BCKDHB: variants seen among roughly 807,000 people sequenced by gnomAD.
BCKDHB encodes 2-oxoisovalerate dehydrogenase subunit beta, mitochondrial.
A neutral mutation model predicts 48.5 loss-of-function variants in BCKDHB; 41 were observed. The observed-to-expected ratio is 0.85, with a 90% CI of 0.66 to 1.10. The LOEUF (loss-of-function observed/expected upper bound fraction) is 1.10. Ranked by LOEUF, BCKDHB falls within the 50% of genes least tolerant of loss-of-function variation. The pLI, the probability that BCKDHB is intolerant of heterozygous loss-of-function variation, is 0.00. For synonymous variants in BCKDHB, 201 were observed against 174.8 expected (o/e 1.15, Z -1.18); for missense variants, 496 against 494.2 (o/e 1.00, Z -0.03).
chr6:80,459,765 T>G, the BCKDHB span, among the ~76,000 whole-genome samples: 1 of 152,190 alleles, frequency 6.6e-6, no homozygotes, highest in Non-Finnish European at 1.5e-5. Flanking sequence ...ATAGAATTGT[T>G]CCATCACTTT....
At chr6:80,184,382 G>A (rs1773546927) in intron 6 of BCKDHB, among the ~76,000 whole-genome samples, 1 of 152,070 alleles carries the variant, frequency 6.6e-6, no homozygotes, top group African/African-American at 2.4e-5. Context: ...TACTTGGTTG[G>A]TAGATTTTTA....
chr6:80,247,814 C>T (rs373091294), intron 8 of BCKDHB, among the ~76,000 whole-genome samples: 12 of 152,148 alleles, frequency 7.9e-5, no homozygotes, highest in Non-Finnish European at 1.5e-4. Context: ...CTAATGGCCA[C>T]GTTAGTGGAA....
At chr6:80,212,863 A>C (rs144995793) in intron 8 of BCKDHB, among the ~76,000 whole-genome samples, 10 of 152,320 alleles carry the variant, frequency 6.6e-5, no homozygotes, top group African/African-American at 2.4e-4. Context: ...AATCCTATCA[A>C]GACTTCCTTT....
intron 9 of BCKDHB, among the ~76,000 whole-genome samples, chr6:80,294,105 A>G (rs1767091838): frequency 6.6e-6 from 1 of 152,094 alleles, no homozygotes; most frequent in African/African-American, 2.4e-5. Flanking sequence ...TCAGTTCCAC[A>G]TTTTCACATA....
intron 8 of BCKDHB, among the ~76,000 whole-genome samples, chr6:80,240,565 G>A (rs930124637): frequency 2.0e-5 from 3 of 152,146 alleles, no homozygotes; most frequent in Non-Finnish European, 4.4e-5. Context: ...GAGATTTTGG[G>A]CTGAGACGAT....
chr6:80,200,393 A>C (rs988764893), intron 6 of BCKDHB, among the ~76,000 whole-genome samples: 5 of 152,096 alleles, frequency 3.3e-5, no homozygotes, highest in Non-Finnish European at 7.4e-5. Context: ...TCTACTTTAA[A>C]ATTTTTGGCC....
intron 1 of BCKDHB, among the ~76,000 whole-genome samples, chr6:80,111,817 T>C (rs908844923): frequency 6.6e-6 from 1 of 151,974 alleles, no homozygotes; most frequent in Non-Finnish European, 1.5e-5. Flanking sequence ...CAAAAACAAA[T>C]AGACAGGAAA....
At chr6:80,247,959 A>G (rs1258777335) in intron 8 of BCKDHB, among the ~76,000 whole-genome samples, 2 of 152,206 alleles carry the variant, frequency 1.3e-5, no homozygotes, top group Non-Finnish European at 1.5e-5. Context: ...GGGAATTCCA[A>G]TTATTATTGC....
At chr6:80,133,704 G>A (rs934121850) in intron 3 of BCKDHB, among the ~76,000 whole-genome samples, 6 of 151,696 alleles carry the variant, frequency 4.0e-5, no homozygotes, top group African/African-American at 1.5e-4. Context: ...GTGCAGTAAT[G>A]CGATCACGGC....
chr6:80,214,955 G>A (rs1775101506), intron 8 of BCKDHB, among the ~76,000 whole-genome samples: 1 of 152,088 alleles, frequency 6.6e-6, no homozygotes, highest in Non-Finnish European at 1.5e-5. Context: ...CTTGTTACAT[G>A]TTGTGTTTAA....
At chr6:80,273,289 A>T in intron 9 of BCKDHB, 68 bp downstream of exon 9, 1 of 1,295,744 alleles carries the variant, frequency 7.7e-7, no homozygotes, top group Non-Finnish European at 1.1e-6. Flanking sequence ...GAAGAAAATA[A>T]ATTACTTATC....
rs1466180966 is a variant in BCKDHB at position 80,261,416 on chromosome 6, C to G, written c.952-11719C>G. Reference sequence around the variant, plus strand: ...GCCAGGGGAGGAGGGGGAAAGAAAACTTGTTACTCAACTTGCCTTCCTGTC... The same window carrying G: ...GCCAGGGGAGGAGGGGGAAAGAAAAGTTGTTACTCAACTTGCCTTCCTGTC... On this transcript the variant is annotated intron_variant, in intron 8 of 9. Transcript: ENST00000320393. Among the ~76,000 whole-genome samples, 7 of 151,984 alleles carry G rather than the reference C, an allele frequency of 4.6e-5. No individual in the cohort carries two copies. In the South Asian group the frequency reaches 1.5e-3, roughly 32 times the overall value.
chr6:80,429,337 A>T, the BCKDHB span, among the ~76,000 whole-genome samples: 7 of 152,104 alleles, frequency 4.6e-5, no homozygotes, highest in Non-Finnish European at 8.8e-5. Context: ...TTTGCTTAAG[A>T]TTGTCTTGGC....
the BCKDHB span, among the ~76,000 whole-genome samples, chr6:80,446,670 T>C: frequency 6.7e-6 from 1 of 149,456 alleles, no homozygotes; most frequent in Admixed American, 6.7e-5. Context: ...GGTTCAACAG[T>C]CAAAGACAGG....
chr6:80,207,020 ATAGTT>A (rs996308513), intron 8 of BCKDHB, among the ~76,000 whole-genome samples: 97 of 152,154 alleles, frequency 6.4e-4, no homozygotes, highest in African/African-American at 2.3e-3. Flanking sequence ...TGAAATAAAA[ATAGTT>A]TAGGCAAACA....
the BCKDHB span, among the ~76,000 whole-genome samples, chr6:80,409,374 T>A: frequency 6.6e-6 from 1 of 151,182 alleles, no homozygotes. Flanking sequence ...GGATGGAGAG[T>A]TCTGTAGATG....
intron 9 of BCKDHB, among the ~76,000 whole-genome samples, chr6:80,287,689 T>G (rs1690493931): frequency 6.6e-6 from 1 of 152,124 alleles, no homozygotes; most frequent in Admixed American, 6.5e-5. Context: ...GGCTTTTATA[T>G]AAAAGCTTGA....
chr6:80,219,756 G>T (rs1336307255), intron 8 of BCKDHB, among the ~76,000 whole-genome samples: 1 of 152,134 alleles, frequency 6.6e-6, no homozygotes, highest in African/African-American at 2.4e-5. Context: ...TTTTTATTTG[G>T]ACTCAACATT....
At chr6:80,111,327 G>A (rs1204589838) in intron 1 of BCKDHB, among the ~76,000 whole-genome samples, 2 of 152,180 alleles carry the variant, frequency 1.3e-5, no homozygotes, top group South Asian at 4.1e-4. Context: ...GGAAGACCCT[G>A]GGTCGCTTCA....
Sources: gnomAD v4.1 joint callset for allele counts (sites outside exome capture counted in the v4.1 genomes callset) on GRCh38, gnomAD v4.1.1 for gene constraint, MANE v1.5 for transcripts, NCBI Gene and HGNC (gene_info 2026-07-23, HGNC 2026-07-21) for gene names.